The following ARHGEF12 variants were observed in gnomAD, a reference collection of about 807,000 sequenced individuals.
The protein encoded by ARHGEF12 is Rho guanine nucleotide exchange factor 12, also known as KMT2A/ARHGEF12 fusion protein.
A neutral mutation model predicts 211.2 loss-of-function variants in ARHGEF12; 66 were observed. The observed-to-expected ratio is 0.31, with a 90% CI of 0.26 to 0.38. The LOEUF (loss-of-function observed/expected upper bound fraction) is 0.38. Among genes scored for constraint, ARHGEF12 ranks in the 10% least tolerant of loss-of-function variants. ARHGEF12 has a pLI of 1.00. For synonymous variants in ARHGEF12, 592 were observed against 638.4 expected (o/e 0.93, Z 1.09); for missense variants, 1,429 against 1,869.5 (o/e 0.76, Z 4.34).
chr11:120,394,759 T>TA (rs1216943151), intron 1 of ARHGEF12, among the ~76,000 whole-genome samples: 5 of 150,346 alleles, frequency 3.3e-5, no homozygotes, highest in East Asian at 2.0e-4. Flanking sequence ...CTTCAGATAT[T>TA]AAAAAAAAAT....
intron 34 of ARHGEF12, 102 bp from the exon 35 acceptor site, chr11:120,477,117 G>A (rs1947056283): frequency 1.3e-6 from 1 of 746,712 alleles, no homozygotes; most frequent in African/African-American, 1.8e-5. Context: ...TGTTGTTGTT[G>A]TTGGTTGATT....
In ARHGEF12 at chr11:120,479,870, A is replaced by G. The variant is rs1591645762; in HGVS notation, c.3767-90A>G. On this transcript the variant is annotated intron_variant, in intron 37 of 40. Coordinates refer to ENST00000397843, the MANE Select transcript of ARHGEF12 (RefSeq NM_015313.3). ...ATTAAAAGATACTTTTTAAAGATAG[A>G]TCATTGGTAAGTCAGCTAATTTAAT... The G allele has an allele frequency of 3.9e-6, 4 of 1,029,028 alleles. No homozygotes were observed. In the East Asian group the frequency reaches 7.2e-5, roughly 18 times the overall value. The allele number at this position is 1,029,028 out of a possible 1,614,324, so 63.7% of individuals were successfully genotyped here. A position where few individuals can be genotyped will look rare whatever the true frequency, so the allele number is the denominator to read the frequency against.
At chr11:120,358,819 G>A (rs1282091363) in intron 1 of ARHGEF12, among the ~76,000 whole-genome samples, 1 of 152,104 alleles carries the variant, frequency 6.6e-6, no homozygotes. Flanking sequence ...ATCAGAAATC[G>A]GTGAGCAACT....
intron 1 of ARHGEF12, among the ~76,000 whole-genome samples, chr11:120,390,999 T>A (rs969692565): frequency 5.3e-5 from 8 of 152,246 alleles, no homozygotes; most frequent in Non-Finnish European, 8.8e-5. Flanking sequence ...AAGTTTTAGC[T>A]ATTATTGTAA....
At chr11:120,429,605 A>G (rs964645304) in intron 9 of ARHGEF12, 88 bp downstream of exon 9, 1 of 1,558,526 alleles carries the variant, frequency 6.4e-7, no homozygotes, top group Non-Finnish European at 8.8e-7. Flanking sequence ...ACAATCAAGC[A>G]GCATTGTAAC....
intron 25 of ARHGEF12, 47 bp downstream of exon 25, chr11:120,458,281 G>A (rs1246486594): frequency 1.2e-6 from 2 of 1,605,772 alleles, no homozygotes; most frequent in African/African-American, 2.7e-5. Context: ...ACTGAGTTTT[G>A]TCAGAGTGAA....
At chr11:120,437,886 T>G (rs909769803) in intron 12 of ARHGEF12, among the ~76,000 whole-genome samples, 4 of 152,232 alleles carry the variant, frequency 2.6e-5, no homozygotes, top group Non-Finnish European at 5.9e-5. Flanking sequence ...TTCATCCGTG[T>G]TGTAGCATGT....
intron 1 of ARHGEF12, among the ~76,000 whole-genome samples, chr11:120,394,126 T>C (rs1055303293): frequency 6.6e-6 from 1 of 151,958 alleles, no homozygotes; most frequent in Non-Finnish European, 1.5e-5. Context: ...ACACAACATA[T>C]CAGAATTTGT....
intron 1 of ARHGEF12, among the ~76,000 whole-genome samples, chr11:120,387,289 A>G (rs763269139): frequency 1.8e-4 from 27 of 152,004 alleles, no homozygotes; most frequent in Non-Finnish European, 2.9e-4. Context: ...CTAACATATT[A>G]CATACAATAT....
intron 16 of ARHGEF12, 41 bp from the exon 17 acceptor site, chr11:120,446,362 G>T: frequency 6.6e-7 from 1 of 1,510,646 alleles, no homozygotes; most frequent in South Asian, 1.2e-5. Context: ...ATGTTGCCCA[G>T]AACATACCTT....
intron 22 of ARHGEF12, among the ~76,000 whole-genome samples, chr11:120,454,142 T>C (rs1946291047): frequency 6.6e-6 from 1 of 152,204 alleles, no homozygotes; most frequent in Admixed American, 6.5e-5. Context: ...CAGAGAGCTC[T>C]CAACTGAAAC....
intron 1 of ARHGEF12, among the ~76,000 whole-genome samples, chr11:120,392,943 G>A (rs974142612): frequency 6.6e-6 from 1 of 152,166 alleles, no homozygotes; most frequent in African/African-American, 2.4e-5. Context: ...CTACAGATGG[G>A]GTTGGCTTGA....
intron 1 of ARHGEF12, among the ~76,000 whole-genome samples, chr11:120,354,652 C>A (rs1334216965): frequency 6.6e-6 from 1 of 151,526 alleles, no homozygotes; most frequent in East Asian, 1.9e-4. Context: ...TTTTAGTAAC[C>A]CCAGAAAATC....
At chr11:120,383,692 A>G (rs560017290) in intron 1 of ARHGEF12, among the ~76,000 whole-genome samples, 14 of 152,156 alleles carry the variant, frequency 9.2e-5, no homozygotes, top group Non-Finnish European at 1.8e-4. Context: ...GATGGGGAGC[A>G]GCTGTAAATA....
chr11:120,415,504 A>G (rs1312824936), intron 4 of ARHGEF12, among the ~76,000 whole-genome samples: 1 of 152,224 alleles, frequency 6.6e-6, no homozygotes, highest in Non-Finnish European at 1.5e-5. Flanking sequence ...AAAGGATAGT[A>G]CAAAGATATG....
chr11:120,370,444 G>A (rs985521117), intron 1 of ARHGEF12, among the ~76,000 whole-genome samples: 1 of 151,924 alleles, frequency 6.6e-6, no homozygotes, highest in Non-Finnish European at 1.5e-5. Flanking sequence ...AATTTTCATC[G>A]CTATTCTTAG....
In ARHGEF12 at chr11:120,351,408, AATATATATATATATATATATATATAT is replaced by A. The variant is rs775962877; in HGVS notation, c.32+14156_32+14181del. 6.4e-4 allele frequency among the ~76,000 whole-genome samples: 45 copies of A among 70,480 alleles called. 1 individual carries two copies. Among genetic ancestry groups the A allele is most frequent in the African/African-American group, 2.2e-3 (45 of 20,334 alleles). The allele number at this position is 70,480 out of a possible 152,430, so 46.2% of individuals were successfully genotyped here. A position where few individuals can be genotyped will look rare whatever the true frequency, so the allele number is the denominator to read the frequency against. On this transcript the variant is annotated intron_variant, in intron 1 of 40. Coordinates refer to ENST00000397843, the MANE Select transcript of ARHGEF12 (RefSeq NM_015313.3). ...CAAGATACTTGGGATGTAGGAAAGG[AATATATATATATATATATATATATAT>A]ATATATATATATATATATATATTTT...
intron 39 of ARHGEF12, among the ~76,000 whole-genome samples, 184 bp downstream of exon 39, chr11:120,481,760 CTTT>C (rs765155466): frequency 4.3e-5 from 6 of 138,394 alleles, no homozygotes; most frequent in Non-Finnish European, 4.7e-5. Flanking sequence ...TTCTTTCTTT[CTTT>C]TTTTTTTTTT....
chr11:120,408,033 C>A, intron 3 of ARHGEF12: 1 of 443,100 alleles, frequency 2.3e-6, no homozygotes, highest in Non-Finnish European at 4.0e-6. Context: ...ACAGAAGTAT[C>A]ATTGTAGAGT....
Sources: allele counts gnomAD v4.1 joint callset (sites outside exome capture counted in the v4.1 genomes callset), GRCh38; gene constraint gnomAD v4.1.1; transcripts MANE v1.5; gene names NCBI Gene and HGNC (gene_info 2026-07-23, HGNC 2026-07-21).